MEOX2: variants seen among roughly 807,000 people sequenced by gnomAD.
The protein encoded by MEOX2 is mesenchyme homeobox 2.
Under a neutral mutation model 27.0 loss-of-function variants are expected in MEOX2, and 11 were observed. The observed-to-expected ratio is 0.41, with a 90% CI of 0.26 to 0.68. The LOEUF is 0.68. Ranked by LOEUF, MEOX2 falls within the 30% of genes least tolerant of loss-of-function variation. MEOX2 has a pLI of 0.33. For synonymous variants in MEOX2, 189 were observed against 155.4 expected, an observed-to-expected ratio of 1.22 and a Z score of -1.61; for missense variants, 436 against 385.4, an observed-to-expected ratio of 1.13 and a Z score of -1.10.
At chr7:15,661,886 C>T (rs1022019833) in intron 1 of MEOX2, among the ~76,000 whole-genome samples, 1 of 152,162 alleles carries the variant, frequency 6.6e-6, no homozygotes, top group African/African-American at 2.4e-5. Flanking sequence ...ATGCTACTAC[C>T]TCCATAATTG....
rs182808139 is a variant in MEOX2 at position 15,631,193 on chromosome 7, G to A, written c.518-4275C>T. Among the ~76,000 whole-genome samples, 4 of 151,006 alleles carry A rather than the reference G, an allele frequency of 2.6e-5. No individual in the cohort carries two copies. In the East Asian group the frequency reaches 5.9e-4, roughly 22 times the overall value. On this transcript the variant is annotated intron_variant, in intron 1 of 2. Coordinates refer to ENST00000262041, the MANE Select transcript of MEOX2 (RefSeq NM_005924.5). ...ACATACCAAAAAAGGAATTTCCATC[G>A]AGTTATAATTATTATTGTGATAGTT... is the stretch of plus-strand genomic sequence containing the variant.
At chr7:15,660,639 T>C (rs1046877410) in intron 1 of MEOX2, among the ~76,000 whole-genome samples, 2 of 152,148 alleles carry the variant, frequency 1.3e-5, no homozygotes, top group Non-Finnish European at 2.9e-5. Context: ...CACTCTGATT[T>C]GAGAACCACT....
At chr7:15,638,367 T>C (rs909734246) in intron 1 of MEOX2, among the ~76,000 whole-genome samples, 1 of 152,178 alleles carries the variant, frequency 6.6e-6, no homozygotes, top group African/African-American at 2.4e-5. Context: ...TGTACGTTTG[T>C]ATGTGCATGG....
chr7:15,638,075 C>G (rs978132566), intron 1 of MEOX2, among the ~76,000 whole-genome samples: 1 of 151,952 alleles, frequency 6.6e-6, no homozygotes, highest in African/African-American at 2.4e-5. Flanking sequence ...GTGAAATACA[C>G]CTTTATTTCA....
intron 1 of MEOX2, among the ~76,000 whole-genome samples, chr7:15,645,981 C>A (rs867980782): frequency 1.3e-5 from 2 of 151,968 alleles, no homozygotes; most frequent in Admixed American, 1.3e-4. Context: ...TAAGTAGATG[C>A]CTAATACTCA....
intron 1 of MEOX2, among the ~76,000 whole-genome samples, chr7:15,651,755 G>GA (rs1471829924): frequency 6.6e-6 from 1 of 151,122 alleles, no homozygotes; most frequent in Non-Finnish European, 1.5e-5. Context: ...AGACTCTACT[G>GA]AAAAAAAGGA....
At chr7:15,674,609 T>C (rs917170205) in intron 1 of MEOX2, among the ~76,000 whole-genome samples, 1 of 151,952 alleles carries the variant, frequency 6.6e-6, no homozygotes, top group Admixed American at 6.6e-5. Context: ...GTGTTGTCTT[T>C]AGAAAACAAA....
chr7:15,679,240 G>A (rs1782254070), intron 1 of MEOX2: 1 of 151,992 alleles, frequency 6.6e-6, no homozygotes, highest in Non-Finnish European at 1.5e-5. Context: ...CATATATAAA[G>A]TAAACGCCTT....
Position 15,685,981 on chromosome 7 carries a change from C to G in MEOX2, c.422G>C (p.Gly141Ala), listed in dbSNP as rs1301715045. 1 of 1,610,338 alleles carries G rather than the reference C, an allele frequency of 6.2e-7. No homozygotes were observed. Residue 141 changes from glycine (G) to alanine (A), a missense_variant, in exon 1 of 3, where the codon GGG (glycine) becomes GCG (alanine). By Grantham distance (60) the Gly-to-Ala change is moderately conservative. Transcript: ENST00000262041. ...GTAGTCCCCCGGCGCGCACGCGGCCCCAGTCGGGGTGCTGGAGCCCAAGCT... is the reference window on the plus strand; with the variant it reads ...GTAGTCCCCCGGCGCGCACGCGGCCGCAGTCGGGGTGCTGGAGCCCAAGCT... ...SSSLGSSTPT[G>A]AACAPGDYGR...
chr7:15,673,213 T>C lies in MEOX2; in HGVS notation c.517+12673A>G, dbSNP rs76089874. Among the ~76,000 whole-genome samples, 1,502 of 152,272 alleles carry C rather than the reference T, an allele frequency of 9.9e-3. 13 individuals are homozygous for C. The highest frequency in any genetic ancestry group is 0.017 in the Non-Finnish European group (1,178 of 68,010). ...TTCCTTAGGGAGTGCATATTTCTGA[T>C]CCAAGTAAAAAACCAGAGACATGTG... is the stretch of plus-strand genomic sequence containing the variant. On this transcript the variant is annotated intron_variant, in intron 1 of 2. Transcript: ENST00000262041.
chr7:15,625,250 T>C (rs1166932309), intron 2 of MEOX2, among the ~76,000 whole-genome samples: 2 of 151,992 alleles, frequency 1.3e-5, no homozygotes, highest in African/African-American at 2.4e-5. Context: ...GTTCCCTGTT[T>C]AAAAAAAATA....
intron 2 of MEOX2, among the ~76,000 whole-genome samples, chr7:15,614,274 G>A (rs1781086720): frequency 6.6e-6 from 1 of 150,568 alleles, no homozygotes; most frequent in African/African-American, 2.4e-5. Context: ...TTAGGTGGGT[G>A]GGATGGCATA....
chr7:15,666,723 G>C (rs930655105), intron 1 of MEOX2, among the ~76,000 whole-genome samples: 1 of 123,798 alleles, frequency 8.1e-6, no homozygotes, highest in Non-Finnish European at 1.6e-5. Context: ...CTGCACTCCA[G>C]CGTGGGCAAC....
chr7:15,684,121 T>C (rs1291627650), intron 1 of MEOX2, among the ~76,000 whole-genome samples: 5 of 152,154 alleles, frequency 3.3e-5, no homozygotes, highest in African/African-American at 4.8e-5. Context: ...TTGTTTGCCC[T>C]GAGAAACTTA....
chr7:15,646,782 G>T (rs560170424), intron 1 of MEOX2, among the ~76,000 whole-genome samples: 1 of 152,012 alleles, frequency 6.6e-6, no homozygotes, highest in Admixed American at 6.5e-5. Flanking sequence ...ATGAAAGATT[G>T]ATATACTAAT....
intron 2 of MEOX2, among the ~76,000 whole-genome samples, chr7:15,617,376 T>C (rs1213929491): frequency 6.6e-6 from 1 of 152,000 alleles, no homozygotes; most frequent in East Asian, 1.9e-4. Context: ...TTTGATCACA[T>C]CCCTAGTGAT....
At chr7:15,676,818 A>T (rs983380161) in intron 1 of MEOX2, among the ~76,000 whole-genome samples, 15 of 151,754 alleles carry the variant, frequency 9.9e-5, no homozygotes, top group Non-Finnish European at 1.9e-4. Context: ...AGATTGCGCC[A>T]CTGCACTCCA....
intron 2 of MEOX2, among the ~76,000 whole-genome samples, chr7:15,623,619 C>G (rs111724704): frequency 3.3e-5 from 5 of 152,188 alleles, no homozygotes; most frequent in African/African-American, 1.2e-4. Flanking sequence ...ACCTGCCTGC[C>G]TTGGCTTCCC....
chr7:15,656,286 A>G (rs576924958), intron 1 of MEOX2, among the ~76,000 whole-genome samples: 2 of 151,938 alleles, frequency 1.3e-5, no homozygotes, highest in African/African-American at 2.4e-5. Context: ...TGGTTGGTTC[A>G]TGAAGTTTTT....
Sources: allele counts gnomAD v4.1 joint callset (sites outside exome capture counted in the v4.1 genomes callset), GRCh38; gene constraint gnomAD v4.1.1; transcripts MANE v1.5; gene names NCBI Gene and HGNC (gene_info 2026-07-23, HGNC 2026-07-21).